Variants in CEP85 observed in about 807,000 individuals in gnomAD.
CEP85 encodes the protein centrosomal protein of 85 kDa.
A neutral mutation model predicts 93.7 loss-of-function variants in CEP85; 58 were observed. The observed-to-expected ratio is 0.62, with a 90% confidence interval of 0.50 to 0.77. The LOEUF (loss-of-function observed/expected upper bound fraction) is 0.77. Among genes scored for constraint, CEP85 ranks in the 30% least tolerant of loss-of-function variants. The pLI is 0.00. For synonymous variants in CEP85, 314 were observed against 338.6 expected (o/e 0.93, Z 0.80); for missense variants, 868 against 922.0 (o/e 0.94, Z 0.76).
chr1:26,267,815 G>T (rs1276426640), intron 7 of CEP85, among the ~76,000 whole-genome samples: 14 of 152,242 alleles, frequency 9.2e-5, no homozygotes. Flanking sequence ...AGTAGATTAG[G>T]CTTAAAGCAG....
intron 3 of CEP85, among the ~76,000 whole-genome samples, chr1:26,250,941 T>TTTTTTTTTTTTC (rs2089601956): frequency 9.0e-6 from 1 of 111,098 alleles, no homozygotes; most frequent in Non-Finnish European, 1.8e-5. Context: ...TCTTTTTTTT[T>TTTTTTTTTTTTC]TTTTTTTTTT....
At chr1:26,244,607 G>T (rs954772097) in intron 3 of CEP85, among the ~76,000 whole-genome samples, 1 of 152,016 alleles carries the variant, frequency 6.6e-6, no homozygotes, top group African/African-American at 2.4e-5. Flanking sequence ...GCTCGCTGCA[G>T]CCTCCCATGC....
chr1:26,276,193 T>C (rs1434582663), intron 12 of CEP85, among the ~76,000 whole-genome samples: 1 of 152,224 alleles, frequency 6.6e-6, no homozygotes, highest in African/African-American at 2.4e-5. Flanking sequence ...ATAGCCTGGC[T>C]AACAGAGTTG....
chr1:26,254,533 G>A (rs541098946), intron 3 of CEP85: 1 of 152,966 alleles, frequency 6.5e-6, no homozygotes, highest in African/African-American at 2.4e-5. Flanking sequence ...CACTGTGCTA[G>A]AGTGAAACCT....
intron 7 of CEP85, among the ~76,000 whole-genome samples, chr1:26,265,553 G>A (rs1230707482): frequency 1.3e-5 from 2 of 152,178 alleles, no homozygotes; most frequent in Non-Finnish European, 2.9e-5. Flanking sequence ...GAAGCCCAGG[G>A]TGAGGCTGAT....
At chr1:26,235,778 G>T (rs1181747936) in intron 1 of CEP85, among the ~76,000 whole-genome samples, 1 of 152,004 alleles carries the variant, frequency 6.6e-6, no homozygotes, top group African/African-American at 2.4e-5. Context: ...CTCCATGTTG[G>T]TCAGGCTGGT....
At position 26,271,098 on chromosome 1, in the gene CEP85, G is replaced by A. The variant is rs771446535; in HGVS notation, c.1734G>A (p.Ser578=). The A allele has an allele frequency of 3.0e-5, 48 of 1,607,284 alleles. No individual in the cohort carries two copies. The highest frequency in any genetic ancestry group is 2.1e-4 in the South Asian group (19 of 90,902). The change falls in exon 10 of 14, where the codon TCG becomes TCA. Residue 578 remains serine, a synonymous_variant. Coordinates refer to ENST00000451429, the MANE Select transcript of CEP85 (RefSeq NM_001319944.2). ...AGTCCTGGCAGAAGCGATACGATTC[G>A]CTCCAAAAGGTGACTGAGGGTGTCC... ...EMESWQKRYD[S]LQKIVEKQQQ... is the part of the protein sequence containing the mutation.
rs147437200 is a variant in CEP85, at chr1:26,249,074, C to T, written c.208+4756C>T. Among the ~76,000 whole-genome samples, 84 of 151,644 alleles carry T rather than the reference C, an allele frequency of 5.5e-4. No individual in the cohort carries two copies. The Middle Eastern group carries it at 0.014, about 25-fold the overall frequency. On this transcript the variant is annotated intron_variant, in intron 3 of 13. Coordinates refer to ENST00000451429, the MANE Select transcript of CEP85 (RefSeq NM_001319944.2). ...GTTTGTTACATACCATGATCCTAAT[C>T]TTAACTCTTTTTGTGTGTTTGTTTT...
chr1:26,258,373 C>T (rs1359238157), intron 6 of CEP85, 113 bp downstream of exon 6: 3 of 722,304 alleles, frequency 4.2e-6, no homozygotes, highest in Non-Finnish European at 7.4e-6. Context: ...ATGTAAGTGT[C>T]CCTGCCCTCA....
chr1:26,250,129 A>G (rs1480003598), intron 3 of CEP85, among the ~76,000 whole-genome samples: 1 of 151,838 alleles, frequency 6.6e-6, no homozygotes, highest in Non-Finnish European at 1.5e-5. Context: ...TCATTTCAAA[A>G]TATTCTAAAC....
intron 7 of CEP85, among the ~76,000 whole-genome samples, chr1:26,261,074 A>T (rs905108147): frequency 6.6e-6 from 1 of 151,410 alleles, no homozygotes; most frequent in Non-Finnish European, 1.5e-5. Context: ...TACAGATGTG[A>T]CCCACTGCAC....
chr1:26,243,216 T>A (rs1490364470), intron 2 of CEP85, among the ~76,000 whole-genome samples: 1 of 150,816 alleles, frequency 6.6e-6, no homozygotes, highest in South Asian at 2.1e-4. Flanking sequence ...CACTGCAACC[T>A]CGAAGCAATG....
Position 26,277,497 on chromosome 1 carries a change from A to C in CEP85, c.*204A>C. The stretch of plus-strand genomic sequence containing the variant: ...TGGATTACGTTTGTCCTGTTAATTC[A>C]CTCTAGACGGTGAGTTACTAATTAA... On this transcript the variant is annotated 3_prime_UTR_variant, in exon 14 of 14. Transcript: ENST00000451429. 1 of 530,836 alleles carries C rather than the reference A, an allele frequency of 1.9e-6. No individual in the cohort carries two copies. Among genetic ancestry groups the C allele is most frequent in the Non-Finnish European group, 3.4e-6 (1 of 291,816 alleles). 32.9% of individuals were successfully genotyped at this position (530,836 alleles called of 1,614,324 possible). A position where few individuals can be genotyped will look rare whatever the true frequency, so the allele number is the denominator to read the frequency against.
intron 7 of CEP85, among the ~76,000 whole-genome samples, chr1:26,263,627 A>G (rs1156913318): frequency 6.6e-6 from 1 of 152,164 alleles, no homozygotes; most frequent in Non-Finnish European, 1.5e-5. Flanking sequence ...GGCTGCAGTA[A>G]GCCATGATCT....
intron 10 of CEP85, chr1:26,271,381 C>G: frequency 3.0e-6 from 1 of 331,504 alleles, no homozygotes; most frequent in Non-Finnish European, 5.7e-6. Flanking sequence ...CAAAATGGTG[C>G]AGTAAAGTTT....
chr1:26,239,759 C>G lies in CEP85; in HGVS notation c.-22-3C>G. ...ACTGACTGGTTATTCCTTCATTCTA[C>G]AGTTGGCTTAAATAACTGTGATTGA... On this transcript the variant is annotated splice_polypyrimidine_tract_variant and splice_region_variant and intron_variant, in intron 1 of 13. Coordinates refer to ENST00000451429, the MANE Select transcript of CEP85 (RefSeq NM_001319944.2). The G allele has an allele frequency of 6.3e-7, 1 of 1,578,080 alleles. No homozygotes were observed. The highest frequency in any genetic ancestry group is 8.7e-7 in the Non-Finnish European group (1 of 1,147,252).
chr1:26,265,999 G>C (rs2089888546), intron 7 of CEP85, among the ~76,000 whole-genome samples: 1 of 152,096 alleles, frequency 6.6e-6, no homozygotes, highest in Admixed American at 6.5e-5. Flanking sequence ...CCTAAGGTCA[G>C]GAGTTCAAGA....
intron 3 of CEP85, among the ~76,000 whole-genome samples, chr1:26,249,617 A>C (rs575503822): frequency 6.6e-6 from 1 of 152,362 alleles, no homozygotes; most frequent in Non-Finnish European, 1.5e-5. Flanking sequence ...AAAGACTGAA[A>C]TAGTCACTGG....
intron 8 of CEP85, among the ~76,000 whole-genome samples, chr1:26,268,969 C>T (rs986854744): frequency 3.9e-5 from 6 of 152,182 alleles, no homozygotes; most frequent in Non-Finnish European, 7.3e-5. Context: ...ACCTTTTCCA[C>T]CAGTTTTAAT....
Sources: gnomAD v4.1 joint callset for allele counts (sites outside exome capture counted in the v4.1 genomes callset) on GRCh38, gnomAD v4.1.1 for gene constraint, MANE v1.5 for transcripts, NCBI Gene and HGNC (gene_info 2026-07-23, HGNC 2026-07-21) for gene names.